Variants in ARHGAP42 observed in about 807,000 individuals in gnomAD.
ARHGAP42 encodes the protein Rho GTPase activating protein 42.
Under a neutral mutation model 125.0 loss-of-function variants are expected in ARHGAP42, and 63 were observed. The observed-to-expected ratio is 0.50, with a 90% confidence interval of 0.41 to 0.62. The LOEUF (loss-of-function observed/expected upper bound fraction) is 0.62, where lower values mean the gene tolerates loss of function less well. ARHGAP42 is among the 20% of genes least tolerant of loss of function. The pLI is 0.00. For synonymous variants in ARHGAP42, 339 were observed against 351.0 expected (o/e 0.97, Z 0.38); for missense variants, 766 against 1,024.2 (o/e 0.75, Z 3.44).
At chr11:100,734,231 C>T (rs1862018365) in intron 1 of ARHGAP42, among the ~76,000 whole-genome samples, 1 of 151,780 alleles carries the variant, frequency 6.6e-6, no homozygotes, top group Non-Finnish European at 1.5e-5. Flanking sequence ...CCGCGCCTGG[C>T]CCAAAGCAAA....
chr11:100,814,186 C>T (rs561416852), intron 3 of ARHGAP42, among the ~76,000 whole-genome samples: 4 of 151,698 alleles, frequency 2.6e-5, no homozygotes, highest in Admixed American at 6.6e-5. Context: ...GTGCGAGACT[C>T]CGTCTCTTAA....
In ARHGAP42 at chr11:100,763,779, C is replaced by A. The variant is rs566883909; in HGVS notation, c.155-6564C>A. Among the ~76,000 whole-genome samples, 3 of 152,170 alleles carry A rather than the reference C, an allele frequency of 2.0e-5. No individual in the cohort carries two copies. The East Asian group carries it at 5.8e-4, about 30-fold the overall frequency. On this transcript the variant is annotated intron_variant, in intron 1 of 23. Transcript: ENST00000298815. Reference sequence around the variant, plus strand: ...TGCTGGGATTACAGGCGTGAGCCACCGTGCCCGGCTCCTTTGTCTTTTAAC... The same window carrying A: ...TGCTGGGATTACAGGCGTGAGCCACAGTGCCCGGCTCCTTTGTCTTTTAAC...
At chr11:100,769,397 C>G (rs972255186) in intron 1 of ARHGAP42, among the ~76,000 whole-genome samples, 2 of 152,060 alleles carry the variant, frequency 1.3e-5, no homozygotes, top group Non-Finnish European at 2.9e-5. Flanking sequence ...CTGTTGACTC[C>G]CAGGGATTTA....
intron 1 of ARHGAP42, among the ~76,000 whole-genome samples, chr11:100,768,423 T>C (rs1334975303): frequency 1.3e-5 from 2 of 152,146 alleles, no homozygotes; most frequent in Non-Finnish European, 2.9e-5. Context: ...GTAGAATCCT[T>C]GCTAAAACTA....
At position 100,933,100 on chromosome 11, in the gene ARHGAP42, A is replaced by T. The variant is rs1335442190; in HGVS notation, c.598-56A>T. 5 of 1,225,056 alleles carry T rather than the reference A, an allele frequency of 4.1e-6. No homozygotes were observed. In the East Asian group the frequency reaches 1.3e-4, roughly 32 times the overall value. The allele number at this position is 1,225,056 out of a possible 1,614,324, so 75.9% of individuals were successfully genotyped here. ...TATAATTTTCTCCCTATTTTATATC[A>T]TTAAATGATCATTAAAACACATTTT... On this transcript the variant is annotated intron_variant, in intron 6 of 23. Transcript: ENST00000298815.
At chr11:100,848,623 G>A (rs1360652308) in intron 3 of ARHGAP42, among the ~76,000 whole-genome samples, 1 of 151,502 alleles carries the variant, frequency 6.6e-6, no homozygotes, top group Non-Finnish European at 1.5e-5. Context: ...CCTGCCTCAG[G>A]CTCCCGAGTA....
At chr11:100,779,485 T>TATATATATACACACAC (rs1312550660) in intron 2 of ARHGAP42, among the ~76,000 whole-genome samples, 4 of 81,432 alleles carry the variant, frequency 4.9e-5, no homozygotes, top group Non-Finnish European at 9.3e-5. Context: ...TATATATATA[T>TATATATATACACACAC]ACACACACAC....
At chr11:100,787,567 G>C (rs1186066144) in intron 2 of ARHGAP42, among the ~76,000 whole-genome samples, 2 of 152,190 alleles carry the variant, frequency 1.3e-5, no homozygotes, top group African/African-American at 2.4e-5. Context: ...TAAAGACTTG[G>C]TCACAAGTTC....
At position 100,756,281 on chromosome 11, in the gene ARHGAP42, C is replaced by G. The variant is rs141042651; in HGVS notation, c.155-14062C>G. Among the ~76,000 whole-genome samples the G allele has an allele frequency of 6.6e-3, 1,000 of 150,444 alleles. 21 individuals carry two copies. Among genetic ancestry groups the G allele is most frequent in the African/African-American group, 0.023 (946 of 41,042 alleles). On this transcript the variant is annotated intron_variant, in intron 1 of 23. Transcript: ENST00000298815. The stretch of plus-strand genomic sequence containing the variant: ...GGCATGGTGTCATATATCTTTAGTC[C>G]TAGCTACTCTGTAGGCTGAGGCAGG...
intron 23 of ARHGAP42, among the ~76,000 whole-genome samples, chr11:100,987,805 C>CT (rs1238143546): frequency 4.9e-5 from 4 of 81,674 alleles, no homozygotes; most frequent in South Asian, 6.1e-4. Flanking sequence ...GCCCAACCCA[C>CT]AAAATAAATA....
chr11:100,877,500 A>C (rs1591261208), intron 4 of ARHGAP42, among the ~76,000 whole-genome samples: 2 of 152,194 alleles, frequency 1.3e-5, no homozygotes, highest in Admixed American at 6.5e-5. Context: ...GTAGCATTTC[A>C]TGCTTGTAAA....
intron 6 of ARHGAP42, among the ~76,000 whole-genome samples, chr11:100,932,908 A>G (rs1344160838): frequency 1.3e-5 from 2 of 152,204 alleles, no homozygotes; most frequent in East Asian, 3.8e-4. Context: ...TTTGAATAGC[A>G]GAATAGTTAA....
rs534095359 is a variant in ARHGAP42 at position 100,710,512 on chromosome 11, G to A, written c.154+22680G>A. Among the ~76,000 whole-genome samples the A allele has an allele frequency of 9.5e-5, 14 of 147,282 alleles. No individual in the cohort carries two copies. The South Asian group carries it at 3.0e-3, about 32-fold the overall frequency. Reference sequence around the variant, plus strand: ...GGCCTCCCAAAGTGCTGGATTACAGGCATGAGCCACTGCGCCCGGCCAGCA... The same window carrying A: ...GGCCTCCCAAAGTGCTGGATTACAGACATGAGCCACTGCGCCCGGCCAGCA... On this transcript the variant is annotated intron_variant, in intron 1 of 23. Transcript: ENST00000298815.
chr11:100,934,205 T>C (rs1215180071), intron 7 of ARHGAP42, among the ~76,000 whole-genome samples: 1 of 152,206 alleles, frequency 6.6e-6, no homozygotes, highest in African/African-American at 2.4e-5. Context: ...CTGTTTATTA[T>C]TTTCAAATAA....
At chr11:100,900,221 G>T (rs1866505691) in intron 4 of ARHGAP42, among the ~76,000 whole-genome samples, 1 of 152,180 alleles carries the variant, frequency 6.6e-6, no homozygotes, top group Non-Finnish European at 1.5e-5. Context: ...CTTTAAGAAT[G>T]TTGAGTATTG....
rs1235778435 is a variant in ARHGAP42 at position 100,989,238 on chromosome 11, A to AT, written c.*439dup. The stretch of plus-strand genomic sequence containing the variant: ...AAAATGTAATTTAAATTGTTCATTT[A>AT]TTGTTTTTTTTTTCTTAGAAATATA... On this transcript the variant is annotated 3_prime_UTR_variant, in exon 24 of 24. Transcript: ENST00000298815. 6.8e-4 allele frequency: 267 copies of AT among 389,924 alleles called. No homozygotes were observed. Among genetic ancestry groups the AT allele is most frequent in the Middle Eastern group, 1.3e-3 (2 of 1,530 alleles). 24.2% of individuals were successfully genotyped at this position (389,924 alleles called of 1,614,324 possible). A position where few individuals can be genotyped will look rare whatever the true frequency, so the allele number is the denominator to read the frequency against.
At chr11:100,984,869 G>A (rs1363690436) in intron 22 of ARHGAP42, among the ~76,000 whole-genome samples, 2 of 152,114 alleles carry the variant, frequency 1.3e-5, no homozygotes, top group Admixed American at 1.3e-4. Context: ...AAGAGGAAGC[G>A]TTAGCACCTG....
At chr11:100,805,630 A>G (rs938699058) in intron 3 of ARHGAP42, among the ~76,000 whole-genome samples, 3 of 152,166 alleles carry the variant, frequency 2.0e-5, no homozygotes, top group African/African-American at 4.8e-5. Context: ...GACTATACTT[A>G]TAGTTACTTC....
rs116026292 is a variant in ARHGAP42 at position 100,831,109 on chromosome 11, A to G, written c.313-28445A>G. Among the ~76,000 whole-genome samples the G allele has an allele frequency of 6.2e-3, 940 of 152,162 alleles. 7 individuals are homozygous for G. The highest frequency in any genetic ancestry group is 0.021 in the African/African-American group (855 of 41,512). ...GCTGTGCTGGAATCCTGTTTCCACT[A>G]TGTTCTAATCACGTGAGCTTGGGCA... On this transcript the variant is annotated intron_variant, in intron 3 of 23. Transcript: ENST00000298815.
Sources: allele counts gnomAD v4.1 joint callset (sites outside exome capture counted in the v4.1 genomes callset), GRCh38; gene constraint gnomAD v4.1.1; transcripts MANE v1.5; gene names NCBI Gene and HGNC (gene_info 2026-07-23, HGNC 2026-07-21).